The following APBB2 variants were observed in gnomAD, a reference collection of about 807,000 sequenced individuals.
APBB2 encodes the protein amyloid beta precursor protein binding family B member 2.
APBB2 carries 38 observed loss-of-function variants against 82.5 expected under a neutral mutation model. The observed-to-expected ratio is 0.46, with a 90% CI of 0.36 to 0.60. The LOEUF is 0.60. Ranked by LOEUF, APBB2 falls within the 20% of genes least tolerant of loss-of-function variation. The probability of loss-of-function intolerance (pLI) is 0.00; values close to 1 mark genes in which losing one functional copy is unlikely to be tolerated. For missense variants in APBB2, 772 were observed against 972.3 expected, an observed-to-expected ratio of 0.79 and a Z score of 2.74; for synonymous variants, 341 against 368.2, an observed-to-expected ratio of 0.93 and a Z score of 0.85.
At chr4:41,169,685 T>A (rs1231380576) in intron 1 of APBB2, among the ~76,000 whole-genome samples, 2 of 152,216 alleles carry the variant, frequency 1.3e-5, no homozygotes, top group African/African-American at 4.8e-5. Context: ...TATGGTAAAA[T>A]CGTTCTTCTA....
At chr4:40,978,680 T>G (rs1406174582) in intron 6 of APBB2, among the ~76,000 whole-genome samples, 2 of 152,214 alleles carry the variant, frequency 1.3e-5, no homozygotes, top group Non-Finnish European at 2.9e-5. Context: ...CTGTGGTTCC[T>G]TCCTATCCCT....
At chr4:41,006,907 A>C (rs1480245482) in intron 6 of APBB2, among the ~76,000 whole-genome samples, 1 of 152,236 alleles carries the variant, frequency 6.6e-6, no homozygotes, top group Non-Finnish European at 1.5e-5. Context: ...TCTATCACTT[A>C]AGCTAGCTAA....
intron 10 of APBB2, among the ~76,000 whole-genome samples, chr4:40,904,866 C>T (rs993991100): frequency 6.6e-6 from 1 of 151,944 alleles, no homozygotes; most frequent in Non-Finnish European, 1.5e-5. Flanking sequence ...CCAGGGAGGA[C>T]CCAGAGAGCA....
chr4:41,005,260 T>C (rs1024828575), intron 6 of APBB2, among the ~76,000 whole-genome samples: 1 of 152,056 alleles, frequency 6.6e-6, no homozygotes, highest in Non-Finnish European at 1.5e-5. Flanking sequence ...CCAACTAATT[T>C]TGTATTTTTA....
chr4:40,915,844 T>C (rs10938443), intron 10 of APBB2, among the ~76,000 whole-genome samples: 125,212 of 151,868 alleles, frequency 0.82, 51,614 homozygotes, highest in South Asian at 0.87. Flanking sequence ...AACCCGGCCA[T>C]CTCATTTCAC....
chr4:40,922,574 T>C (rs1019426144), intron 10 of APBB2, among the ~76,000 whole-genome samples: 9 of 152,198 alleles, frequency 5.9e-5, no homozygotes, highest in African/African-American at 2.2e-4. Flanking sequence ...TGACAAAGTA[T>C]TGTGGCTTAG....
intron 7 of APBB2, among the ~76,000 whole-genome samples, chr4:40,937,019 G>A (rs981929491): frequency 2.0e-5 from 3 of 152,068 alleles, no homozygotes; most frequent in African/African-American, 7.2e-5. Flanking sequence ...GTGAGATGAG[G>A]ACCTGAAATA....
chr4:41,121,851 T>C (rs967278281), intron 2 of APBB2, among the ~76,000 whole-genome samples: 2 of 152,064 alleles, frequency 1.3e-5, no homozygotes, highest in African/African-American at 4.8e-5. Flanking sequence ...GTCCCCAATA[T>C]TTTTTATGGC....
chr4:41,026,133 C>T (rs944174839), intron 5 of APBB2, among the ~76,000 whole-genome samples: 1 of 151,836 alleles, frequency 6.6e-6, no homozygotes, highest in Non-Finnish European at 1.5e-5. Context: ...TAAGTGGGAG[C>T]TAAATGATAA....
At chr4:41,026,281 T>C (rs1328529123) in intron 5 of APBB2, among the ~76,000 whole-genome samples, 4 of 152,180 alleles carry the variant, frequency 2.6e-5, no homozygotes, top group African/African-American at 9.7e-5. Flanking sequence ...CAAAGCCCCA[T>C]GACATGTGTT....
intron 12 of APBB2, among the ~76,000 whole-genome samples, chr4:40,871,383 G>C (rs915122302): frequency 6.6e-6 from 1 of 152,124 alleles, no homozygotes; most frequent in Non-Finnish European, 1.5e-5. Flanking sequence ...GGCCTCAAGT[G>C]ATCCGCCCGC....
intron 1 of APBB2, among the ~76,000 whole-genome samples, chr4:41,163,429 GGA>G (rs1287052638): frequency 6.6e-6 from 1 of 152,186 alleles, no homozygotes; most frequent in Non-Finnish European, 1.5e-5. Flanking sequence ...AAAGAAAGAA[GGA>G]AGTGACATGG....
chr4:40,830,211 C>CACACACACACACACATATATATATAT (rs1292292234), intron 13 of APBB2, among the ~76,000 whole-genome samples: 4 of 149,550 alleles, frequency 2.7e-5, no homozygotes, highest in African/African-American at 7.3e-5. Flanking sequence ...CACACACACA[C>CACACACACACACACATATATATATAT]ATATATATAT....
At chr4:41,172,962 T>C (rs1439594732) in intron 1 of APBB2, among the ~76,000 whole-genome samples, 3 of 152,234 alleles carry the variant, frequency 2.0e-5, no homozygotes, top group Non-Finnish European at 4.4e-5. Flanking sequence ...ACACTTTTTT[T>C]ACTCTGAAAT....
At chr4:41,194,598 T>C in intron 1 of APBB2, among the ~76,000 whole-genome samples, 3 of 152,094 alleles carry the variant, frequency 2.0e-5, no homozygotes, top group Non-Finnish European at 4.4e-5. Flanking sequence ...TGAGGATGGA[T>C]GGCCACAGTG....
intron 3 of APBB2, among the ~76,000 whole-genome samples, chr4:41,089,432 T>C (rs948183793): frequency 1.3e-5 from 2 of 152,200 alleles, no homozygotes; most frequent in Non-Finnish European, 2.9e-5. Flanking sequence ...ACTTCGGTTT[T>C]TTTAGGGAAG....
intron 2 of APBB2, among the ~76,000 whole-genome samples, chr4:41,103,863 C>G (rs1182124340): frequency 1.3e-5 from 2 of 152,152 alleles, no homozygotes; most frequent in Non-Finnish European, 2.9e-5. Context: ...TGCGGCTGGA[C>G]CTCTGAAAGT....
intron 5 of APBB2, among the ~76,000 whole-genome samples, chr4:41,031,062 T>TA: frequency 6.6e-6 from 1 of 152,238 alleles, no homozygotes; most frequent in East Asian, 1.9e-4. Flanking sequence ...CTGTCTTTAC[T>TA]AAAATTACAA....
At chr4:41,180,467 T>C (rs1373431169) in intron 1 of APBB2, among the ~76,000 whole-genome samples, 2 of 151,880 alleles carry the variant, frequency 1.3e-5, no homozygotes, top group Non-Finnish European at 2.9e-5. Context: ...CAAACAAAAA[T>C]TAAATTAAAT....
Sources: allele counts gnomAD v4.1 joint callset (sites outside exome capture counted in the v4.1 genomes callset), GRCh38; gene constraint gnomAD v4.1.1; transcripts MANE v1.5; gene names NCBI Gene and HGNC (gene_info 2026-07-23, HGNC 2026-07-21).